The following ACVR1B variants were observed in gnomAD, a reference collection of about 807,000 sequenced individuals.
ACVR1B encodes the protein activin receptor type-1B.
ACVR1B carries 15 observed loss-of-function variants against 55.6 expected under a neutral mutation model. The observed-to-expected ratio is 0.27, with a 90% confidence interval of 0.18 to 0.42. ACVR1B has a LOEUF of 0.42. ACVR1B is among the 10% of genes least tolerant of loss of function. The pLI is 1.00. For missense variants in ACVR1B, 359 were observed against 670.1 expected, an observed-to-expected ratio of 0.54 and a Z score of 5.13; for synonymous variants, 247 against 254.6, an observed-to-expected ratio of 0.97 and a Z score of 0.28.
chr12:51,981,604 G>C (rs956078060), intron 4 of ACVR1B, among the ~76,000 whole-genome samples: 6 of 152,160 alleles, frequency 3.9e-5, no homozygotes, highest in African/African-American at 1.4e-4. Context: ...GGCCGAGGCA[G>C]GCAGATCACT....
chr12:51,971,150 G>T (rs1451551240), intron 1 of ACVR1B, among the ~76,000 whole-genome samples: 1 of 152,136 alleles, frequency 6.6e-6, no homozygotes, highest in Non-Finnish European at 1.5e-5. Context: ...GCTGTGTTAG[G>T]CGCCTCTATA....
intron 1 of ACVR1B, among the ~76,000 whole-genome samples, chr12:51,970,382 A>G (rs1240962339): frequency 6.6e-6 from 1 of 152,224 alleles, no homozygotes; most frequent in African/African-American, 2.4e-5. Flanking sequence ...TTTACTATCC[A>G]TAAAGTGAGA....
Position 51,951,778 on chromosome 12 carries a change from C to T in ACVR1B, c.35C>T (p.Pro12Leu), listed in dbSNP as rs750134234. ...TCGGCCGGAGCCTCCTCCTTCTTCC[C>T]CCTTGTTGTCCTCCTGCTCGCCGGC... ...AESAGASSFF[P>L]LVVLLLAGSG... The change falls in exon 1 of 9, where the codon CCC (proline) becomes CTC (leucine). Residue 12 changes from proline to leucine, a missense_variant. By Grantham distance (98) the Pro-to-Leu change is moderately conservative. Around this residue, in one of 5 missense-constraint regions of ACVR1B, gnomAD observed 48 missense variants for 40.6 expected, o/e 1.18. Transcript: ENST00000257963. 1.5e-6 allele frequency: 2 copies of T among 1,295,392 alleles called. No individual in the cohort carries two copies. The highest frequency in any genetic ancestry group is 2.9e-5 in the East Asian group (1 of 35,010). The allele number at this position is 1,295,392 out of a possible 1,614,324, so 80.2% of individuals were successfully genotyped here.
At chr12:51,984,477 T>A (rs979606321) in intron 5 of ACVR1B, among the ~76,000 whole-genome samples, 1 of 152,050 alleles carries the variant, frequency 6.6e-6, no homozygotes, top group Admixed American at 6.6e-5. Flanking sequence ...ACAATAGACA[T>A]GAGAAAAAAT....
chr12:51,967,453 G>T (rs1047057635), intron 1 of ACVR1B, among the ~76,000 whole-genome samples: 12 of 152,178 alleles, frequency 7.9e-5, no homozygotes, highest in Admixed American at 2.6e-4. Flanking sequence ...CAGCTGCTCA[G>T]GAGGCTGAGG....
At chr12:51,982,092 C>T (rs540698885) in intron 4 of ACVR1B, among the ~76,000 whole-genome samples, 16 of 152,208 alleles carry the variant, frequency 1.1e-4, no homozygotes, top group Admixed American at 1.3e-4. Flanking sequence ...CAAAGGATGA[C>T]GAGTAAGGGT....
intron 1 of ACVR1B, among the ~76,000 whole-genome samples, chr12:51,952,239 C>T (rs1189378025): frequency 1.3e-5 from 2 of 152,104 alleles, no homozygotes; most frequent in African/African-American, 4.8e-5. Context: ...TCCTGGGGGG[C>T]GTCTTTCTCC....
At chr12:51,971,400 G>T (rs994351411) in intron 1 of ACVR1B, among the ~76,000 whole-genome samples, 6 of 152,182 alleles carry the variant, frequency 3.9e-5, no homozygotes, top group African/African-American at 1.4e-4. Flanking sequence ...ACTTGTTTAT[G>T]TGTAGAGTGA....
Position 51,981,268 on chromosome 12 carries a change from G to A in ACVR1B, c.811+69G>A. The A allele has an allele frequency of 4.5e-6, 6 of 1,324,776 alleles. No individual in the cohort carries two copies. The South Asian group carries it at 5.2e-5, about 12-fold the overall frequency. 82.1% of individuals were successfully genotyped at this position (1,324,776 alleles called of 1,614,324 possible). On this transcript the variant is annotated intron_variant, in intron 4 of 8. Transcript: ENST00000257963. ...TAGAGAAAGTGCATAGCTATGGGGTGCACAGCTCTGTTTGCCTTCATCATT... is the reference window on the plus strand; with the variant it reads ...TAGAGAAAGTGCATAGCTATGGGGTACACAGCTCTGTTTGCCTTCATCATT...
chr12:51,970,248 G>A (rs767533096), intron 1 of ACVR1B, among the ~76,000 whole-genome samples: 13 of 152,190 alleles, frequency 8.5e-5, no homozygotes, highest in Non-Finnish European at 1.5e-4. Context: ...CAGAAAGAGC[G>A]TGGTAGAATG....
intron 4 of ACVR1B, chr12:51,982,638 A>G (rs1695017953): frequency 8.8e-6 from 13 of 1,480,498 alleles, no homozygotes; most frequent in Non-Finnish European, 1.1e-5. Context: ...GTTAGTGTCT[A>G]CAAAGCCTAC....
intron 1 of ACVR1B, among the ~76,000 whole-genome samples, chr12:51,955,285 AC>A (rs1466269000): frequency 6.6e-6 from 1 of 152,196 alleles, no homozygotes; most frequent in Non-Finnish European, 1.5e-5. Flanking sequence ...TCCTCTAAGA[AC>A]CTTTTTAGAT....
At chr12:51,987,509 C>T in intron 7 of ACVR1B, 1 of 222,004 alleles carries the variant, frequency 4.5e-6, no homozygotes, top group Non-Finnish European at 9.0e-6. Flanking sequence ...TTTTTATTGT[C>T]AACTTAGTAT....
intron 5 of ACVR1B, among the ~76,000 whole-genome samples, chr12:51,984,907 A>G (rs1397055517): frequency 1.3e-5 from 2 of 152,274 alleles, no homozygotes; most frequent in Non-Finnish European, 2.9e-5. Flanking sequence ...GAGTAGTAGT[A>G]GTAAATATTA....
chr12:51,964,851 A>G (rs1941609837), intron 1 of ACVR1B, among the ~76,000 whole-genome samples: 1 of 152,094 alleles, frequency 6.6e-6, no homozygotes, highest in African/African-American at 2.4e-5. Context: ...TCTGTTTGAT[A>G]ACTGTAGCTT....
chr12:51,976,868 G>C (rs1236254229), intron 3 of ACVR1B, among the ~76,000 whole-genome samples: 2 of 152,120 alleles, frequency 1.3e-5, no homozygotes, highest in South Asian at 2.1e-4. Context: ...AAATTCAGCT[G>C]GTCCCACCTG....
At chr12:51,983,914 G>T (rs1016999294) in intron 4 of ACVR1B, 85 bp from the exon 5 acceptor site, 18 of 1,412,270 alleles carry the variant, frequency 1.3e-5, no homozygotes, top group Non-Finnish European at 1.7e-5. Context: ...ACCTGATTTT[G>T]TGTTGTATAC....
At position 51,985,422 on chromosome 12, in the gene ACVR1B, C is replaced by T. The variant is rs1056706097; in HGVS notation, c.1136+74C>T. The stretch of plus-strand genomic sequence containing the variant: ...TCCCATCTGTGCCGTTTCCCATATG[C>T]GCAGGAGAAGGAGGTGTTGAAAAAG... On this transcript the variant is annotated intron_variant, in intron 6 of 8. Coordinates refer to ENST00000257963, the MANE Select transcript of ACVR1B (RefSeq NM_004302.5). 24 of 1,496,092 alleles carry T rather than the reference C, an allele frequency of 1.6e-5. No homozygotes were observed. The South Asian group carries it at 1.9e-4, about 12-fold the overall frequency. 92.7% of individuals were successfully genotyped at this position (1,496,092 alleles called of 1,614,324 possible). A position where few individuals can be genotyped will look rare whatever the true frequency, so the allele number is the denominator to read the frequency against.
At chr12:51,980,731 G>A (rs1365461002) in intron 3 of ACVR1B, among the ~76,000 whole-genome samples, 1 of 152,178 alleles carries the variant, frequency 6.6e-6, no homozygotes, top group Admixed American at 6.5e-5. Context: ...TAGATAAGGA[G>A]TAGCTAATCA....
Sources: gnomAD v4.1 joint callset for allele counts (sites outside exome capture counted in the v4.1 genomes callset) on GRCh38, gnomAD v4.1.1 for gene constraint, gnomAD v4.1.1 regional missense constraint, MANE v1.5 for transcripts, NCBI Gene and HGNC (gene_info 2026-07-23, HGNC 2026-07-21) for gene names.